NCOA2: variants seen among roughly 807,000 people sequenced by gnomAD.
NCOA2 encodes nuclear receptor coactivator 2.
In NCOA2, 21 loss-of-function variants were observed where a neutral mutation model predicts 145.1. That is an observed-to-expected ratio of 0.14 (90% confidence interval 0.10 to 0.21). The LOEUF (loss-of-function observed/expected upper bound fraction) is 0.21, where lower values mean the gene tolerates loss of function less well. NCOA2 is among the 10% of genes least tolerant of loss of function. The pLI, the probability that NCOA2 is intolerant of heterozygous loss-of-function variation, is 1.00. For synonymous variants in NCOA2, 619 were observed against 637.5 expected (o/e 0.97, Z 0.44); for missense variants, 1,472 against 1,837.6 (o/e 0.80, Z 3.64).
At chr8:70,128,321 A>T in intron 18 of NCOA2, 112 bp downstream of exon 18, 1 of 840,000 alleles carries the variant, frequency 1.2e-6, no homozygotes, top group Non-Finnish European at 1.9e-6. Context: ...GTACAGGGCT[A>T]GTGTGCTGAT....
chr8:70,131,748 G>A, intron 16 of NCOA2, 89 bp downstream of exon 16: 1 of 1,342,404 alleles, frequency 7.4e-7, no homozygotes, highest in South Asian at 1.5e-5. Context: ...ATTCTAAAAA[G>A]CAGACCGTGG....
At chr8:70,313,510 G>A (rs547264914) in intron 1 of NCOA2, among the ~76,000 whole-genome samples, 7 of 152,184 alleles carry the variant, frequency 4.6e-5, no homozygotes, top group African/African-American at 1.4e-4. Flanking sequence ...GTGGTAACTC[G>A]GGAAGCTGAA....
intron 2 of NCOA2, among the ~76,000 whole-genome samples, chr8:70,279,526 G>A (rs908722729): frequency 2.6e-5 from 4 of 152,124 alleles, no homozygotes; most frequent in Non-Finnish European, 4.4e-5. Context: ...CTTAACCTTG[G>A]CTTACCCCTC....
the NCOA2 span, among the ~76,000 whole-genome samples, chr8:70,436,895 G>A: frequency 6.6e-6 from 1 of 152,230 alleles, no homozygotes; most frequent in African/African-American, 2.4e-5. Flanking sequence ...TAGCTGAGGG[G>A]ATTGGGAAAT....
At chr8:70,451,368 A>G in the NCOA2 span, among the ~76,000 whole-genome samples, 2 of 134,808 alleles carry the variant, frequency 1.5e-5, no homozygotes, top group Non-Finnish European at 3.1e-5. Flanking sequence ...TGATCACCCC[A>G]CTGCACTCCA....
In NCOA2 at chr8:70,166,772, A is replaced by G; in HGVS notation, c.542-18T>C. 6.2e-7 allele frequency: 1 copy of G among 1,600,554 alleles called. No individual in the cohort carries two copies. On this transcript the variant is annotated intron_variant, in intron 6 of 22. Transcript: ENST00000452400. ...CCCATTTACTGAGCAAGGCAAAAGT[A>G]ATCCAGTTTTACAAAGAAACAAACA...
At chr8:70,246,038 A>G (rs1036223029) in intron 2 of NCOA2, among the ~76,000 whole-genome samples, 3 of 152,154 alleles carry the variant, frequency 2.0e-5, no homozygotes, top group Non-Finnish European at 4.4e-5. Context: ...TCCCATGGCC[A>G]AAGCATCTTA....
At chr8:70,454,004 C>G in the NCOA2 span, among the ~76,000 whole-genome samples, 1 of 152,128 alleles carries the variant, frequency 6.6e-6, no homozygotes, top group African/African-American at 2.4e-5. Flanking sequence ...TTTAAAGTAA[C>G]TCTCATTTTG....
At chr8:70,142,954 G>GT (rs757671722) in intron 13 of NCOA2, among the ~76,000 whole-genome samples, 2,685 of 140,392 alleles carry the variant, frequency 0.019, 23 homozygotes, top group Middle Eastern at 0.037. Context: ...TGTTTTTTTT[G>GT]TTTTTTTTTT....
intron 2 of NCOA2, among the ~76,000 whole-genome samples, chr8:70,250,554 C>T (rs1176697525): frequency 2.6e-5 from 4 of 151,916 alleles, no homozygotes; most frequent in Admixed American, 2.0e-4. Flanking sequence ...TGGGCATCGG[C>T]GAGACCCCAT....
chr8:70,214,589 C>T (rs984516778), intron 3 of NCOA2, among the ~76,000 whole-genome samples: 2 of 152,078 alleles, frequency 1.3e-5, no homozygotes, highest in Non-Finnish European at 2.9e-5. Context: ...GCAAACCAAA[C>T]AGCCTTTTTA....
chr8:70,131,917 G>T lies in NCOA2; in HGVS notation c.3244C>A (p.Gln1082Lys). The change falls in exon 16 of 23, where the codon CAG (glutamine) becomes AAG (lysine). Residue 1082 changes from glutamine (Q) to lysine (K), a missense_variant. Transcript: ENST00000452400. ...SPSDEGALLD[Q>K]LYLALRNFDG... Reference sequence around the variant, plus strand: ...AAATTCCGCAAGGCCAGATACAGCTGGTCCAGGAGAGCTCCCTCATCACTC... The same window carrying T: ...AAATTCCGCAAGGCCAGATACAGCTTGTCCAGGAGAGCTCCCTCATCACTC... 1 of 1,608,966 alleles carries T rather than the reference G, an allele frequency of 6.2e-7. No individual in the cohort carries two copies. The highest frequency in any genetic ancestry group is 1.3e-5 in the African/African-American group (1 of 74,946).
At chr8:70,402,712 G>GGAGAGAAGGGGGC (rs1291181998) in intron 1 of NCOA2, 1 of 152,070 alleles carries the variant, frequency 6.6e-6, no homozygotes, top group African/African-American at 2.4e-5. Context: ...CTTCAGGGGC[G>GGAGAGAAGGGGGC]GAGAGAAGGG....
At chr8:70,212,066 C>CATATATATATATATATATATATAT (rs36215324) in intron 4 of NCOA2, among the ~76,000 whole-genome samples, 3 of 144,334 alleles carry the variant, frequency 2.1e-5, no homozygotes, top group Admixed American at 6.9e-5. Context: ...CTTTGTGGCG[C>CATATATATATATATATATATATAT]ATATATATAT....
the NCOA2 span, among the ~76,000 whole-genome samples, chr8:70,440,863 A>G: frequency 1.3e-5 from 2 of 151,618 alleles, no homozygotes; most frequent in East Asian, 1.9e-4. Flanking sequence ...AGAAAGGAAG[A>G]AAGAAAGACA....
intron 10 of NCOA2, among the ~76,000 whole-genome samples, chr8:70,159,222 T>TCA: frequency 2.2e-5 from 1 of 44,490 alleles, no homozygotes; most frequent in East Asian, 3.2e-4. Flanking sequence ...CAGTATAACA[T>TCA]TATATATATA....
rs370763949 is a variant in NCOA2 at position 70,138,331 on chromosome 8, C to T, written c.3030G>A (p.Gly1010=). The change falls in exon 15 of 23, where the codon GGG becomes GGA. Residue 1010 remains glycine (G), a splice_region_variant and synonymous_variant. Transcript: ENST00000452400. ...QTLQSQVMNI[G]PSELEMNMGG... is the part of the protein sequence containing the mutation. ...CCATGTTCATCTCTAATTCAGATGGCCCTAGAAAGGGAGAAGAAAAAAATC... is the reference window on the plus strand; with the variant it reads ...CCATGTTCATCTCTAATTCAGATGGTCCTAGAAAGGGAGAAGAAAAAAATC... The T allele has an allele frequency of 1.9e-6, 3 of 1,598,456 alleles. No individual in the cohort carries two copies. Among genetic ancestry groups the T allele is most frequent in the East Asian group, 4.5e-5 (2 of 44,598 alleles).
At chr8:70,274,795 A>G (rs1825348189) in intron 2 of NCOA2, among the ~76,000 whole-genome samples, 1 of 152,222 alleles carries the variant, frequency 6.6e-6, no homozygotes, top group Admixed American at 6.5e-5. Context: ...ACAATCCCAT[A>G]AAATATGAAC....
intron 7 of NCOA2, among the ~76,000 whole-genome samples, chr8:70,165,587 T>C (rs957870310): frequency 6.6e-6 from 1 of 152,330 alleles, no homozygotes; most frequent in Middle Eastern, 3.4e-3. Flanking sequence ...CTCAGCTGTG[T>C]GGACGGCTTG....
Sources: gnomAD v4.1 joint callset for allele counts (sites outside exome capture counted in the v4.1 genomes callset) on GRCh38, gnomAD v4.1.1 for gene constraint, MANE v1.5 for transcripts, NCBI Gene and HGNC (gene_info 2026-07-23, HGNC 2026-07-21) for gene names.